Variants in GRIK5 observed in about 807,000 individuals in gnomAD.
GRIK5 encodes the protein glutamate ionotropic receptor kainate type subunit 5, also known as glutamate receptor ionotropic, kainate 5.
GRIK5 carries 43 observed loss-of-function variants against 97.4 expected under a neutral mutation model. The observed-to-expected ratio is 0.44, with a 90% CI of 0.35 to 0.57. The LOEUF is 0.57. Among genes scored for constraint, GRIK5 ranks in the 20% least tolerant of loss-of-function variants. GRIK5 has a pLI of 0.01. For missense variants in GRIK5, 1,015 were observed against 1,382.0 expected, an observed-to-expected ratio of 0.73 and a Z score of 4.21; for synonymous variants, 580 against 583.5, an observed-to-expected ratio of 0.99 and a Z score of 0.09.
intron 11 of GRIK5, among the ~76,000 whole-genome samples, chr19:42,047,315 G>A (rs541163555): frequency 6.6e-6 from 1 of 152,034 alleles, no homozygotes; most frequent in South Asian, 2.1e-4. Context: ...CAAGGAGGGA[G>A]GATCACTTGA....
chr19:42,031,472 G>T (rs2075840315), intron 12 of GRIK5, among the ~76,000 whole-genome samples: 1 of 152,132 alleles, frequency 6.6e-6, no homozygotes, highest in Non-Finnish European at 1.5e-5. Context: ...ATACAACCAA[G>T]AACTGGGAAA....
In GRIK5 at chr19:42,069,247, T is replaced by G; in HGVS notation, c.-57A>C. The G allele has an allele frequency of 4.9e-6, 1 of 203,764 alleles. No individual in the cohort carries two copies. The highest frequency in any genetic ancestry group is 9.8e-5 in the East Asian group (1 of 10,220). 12.6% of individuals were successfully genotyped at this position (203,764 alleles called of 1,614,324 possible). On this transcript the variant is annotated 5_prime_UTR_variant, in exon 1 of 20. Coordinates refer to ENST00000593562, the MANE Select transcript of GRIK5 (RefSeq NM_002088.5). Reference sequence around the variant, plus strand: ...CTGCCCTGCAGACACTCACGGATCCTGGTGGGACGGAGGGCTGGGCTCCCT... The same window carrying G: ...CTGCCCTGCAGACACTCACGGATCCGGGTGGGACGGAGGGCTGGGCTCCCT...
chr19:42,069,654 G>T lies in GRIK5; in HGVS notation c.-464C>A, dbSNP rs1196369049. ...CCCCTCCCCTAGCCGGGCCGGCCTG[G>T]GGGGGCCACAGGGGGCGAGGACTGG... On this transcript the variant is annotated 5_prime_UTR_variant, in exon 1 of 20. Coordinates refer to ENST00000593562, the MANE Select transcript of GRIK5 (RefSeq NM_002088.5). 6.6e-6 allele frequency among the ~76,000 whole-genome samples: 1 copy of T among 151,184 alleles called. No individual in the cohort carries two copies. The highest frequency in any genetic ancestry group is 1.5e-5 in the Non-Finnish European group (1 of 67,550).
chr19:42,008,855 G>C (rs1223984113), intron 15 of GRIK5, among the ~76,000 whole-genome samples: 1 of 152,198 alleles, frequency 6.6e-6, no homozygotes, highest in Admixed American at 6.5e-5. Flanking sequence ...AGAACTTTTA[G>C]AGAATGATAT....
chr19:42,060,179 G>A (rs886370064), intron 5 of GRIK5, among the ~76,000 whole-genome samples: 19 of 151,422 alleles, frequency 1.3e-4, no homozygotes, highest in Admixed American at 5.3e-4. Context: ...TCAACCCCTT[G>A]TTACTGCCCA....
chr19:42,051,060 C>A (rs1449651913), intron 11 of GRIK5, among the ~76,000 whole-genome samples: 1 of 152,212 alleles, frequency 6.6e-6, no homozygotes, highest in Non-Finnish European at 1.5e-5. Context: ...TGAGGTCCCT[C>A]TGTCCGCAGC....
At chr19:42,027,836 GT>G (rs2075790875) in intron 12 of GRIK5, among the ~76,000 whole-genome samples, 1 of 152,048 alleles carries the variant, frequency 6.6e-6, no homozygotes, top group African/African-American at 2.4e-5. Context: ...TTATTTATTT[GT>G]TTTTGTTTTT....
chr19:42,024,611 G>A (rs968405688), intron 12 of GRIK5, among the ~76,000 whole-genome samples: 5 of 152,178 alleles, frequency 3.3e-5, no homozygotes, highest in Admixed American at 1.3e-4. Flanking sequence ...GTCTGGCTCA[G>A]TGAGGCAGCC....
chr19:42,011,692 G>A (rs2075564615), intron 15 of GRIK5, among the ~76,000 whole-genome samples: 1 of 152,072 alleles, frequency 6.6e-6, no homozygotes, highest in Admixed American at 6.6e-5. Context: ...AATCCCAACA[G>A]GCCAGGCACA....
At chr19:42,046,838 T>C (rs1343123440) in intron 11 of GRIK5, among the ~76,000 whole-genome samples, 1 of 152,116 alleles carries the variant, frequency 6.6e-6, no homozygotes, top group Non-Finnish European at 1.5e-5. Context: ...CCTTGTACTC[T>C]TTGAATTCTA....
In GRIK5 at chr19:42,042,912, TG is replaced by T; in HGVS notation, c.1270-158del. 1.6e-6 allele frequency: 1 copy of T among 633,524 alleles called. No individual in the cohort carries two copies. The highest frequency in any genetic ancestry group is 2.8e-5 in the Admixed American group (1 of 35,800). The allele number at this position is 633,524 out of a possible 1,614,324, so 39.2% of individuals were successfully genotyped here. On this transcript the variant is annotated intron_variant, in intron 11 of 19. Transcript: ENST00000593562. This position sits in a 1 kb window ranked among gnomAD's most constrained non-coding sequence, Gnocchi z 6.9. ...ATTTCTCACTTACAAATGCTCAGAG[TG>T]GGGAATAGACCTGAAAGCCAGGGAA...
intron 12 of GRIK5, among the ~76,000 whole-genome samples, chr19:42,029,481 G>A (rs957468946): frequency 2.0e-5 from 3 of 152,020 alleles, no homozygotes; most frequent in East Asian, 1.9e-4. Context: ...GGTGGCAGGC[G>A]CCTGTGTAAT....
At chr19:42,068,907 G>C (rs780482296) in intron 1 of GRIK5, 1 of 682,370 alleles carries the variant, frequency 1.5e-6, no homozygotes, top group South Asian at 1.5e-5. Context: ...AGCCAGTCTG[G>C]GACCAGGACG....
At position 42,003,308 on chromosome 19, in the gene GRIK5, C is replaced by T; in HGVS notation, c.2514+24G>A. ...GCCCCTGGGGGTCCCTGTTCCTGCC[C>T]ACCCCCACCCCCAGCCTCCTCACCT... On this transcript the variant is annotated intron_variant, in intron 19 of 19. Coordinates refer to ENST00000593562, the MANE Select transcript of GRIK5 (RefSeq NM_002088.5). This position sits in a 1 kb window ranked among gnomAD's most constrained non-coding sequence, Gnocchi z 4.2. 3 of 1,532,620 alleles carry T rather than the reference C, an allele frequency of 2.0e-6. No homozygotes were observed. Among genetic ancestry groups the T allele is most frequent in the Non-Finnish European group, 2.7e-6 (3 of 1,110,108 alleles). 94.9% of individuals were successfully genotyped at this position (1,532,620 alleles called of 1,614,324 possible).
chr19:42,021,198 C>A lies in GRIK5; in HGVS notation c.1871+103G>T. On this transcript the variant is annotated intron_variant, in intron 15 of 19. Coordinates refer to ENST00000593562, the MANE Select transcript of GRIK5 (RefSeq NM_002088.5). This position sits in a 1 kb window ranked among gnomAD's most constrained non-coding sequence, Gnocchi z 4.2. ...CGTCACACAGCTCTGCAAGGGAAAACGGGGAATCAAATCTTCCAGGAGATG... is the reference window on the plus strand; with the variant it reads ...CGTCACACAGCTCTGCAAGGGAAAAAGGGGAATCAAATCTTCCAGGAGATG... 1.1e-6 allele frequency: 1 copy of A among 920,962 alleles called. No individual in the cohort carries two copies. Among genetic ancestry groups the A allele is most frequent in the Non-Finnish European group, 1.6e-6 (1 of 617,916 alleles). The allele number at this position is 920,962 out of a possible 1,614,324, so 57.0% of individuals were successfully genotyped here.
In GRIK5 at chr19:42,022,182, T is replaced by A; in HGVS notation, c.1587+59A>T. On this transcript the variant is annotated intron_variant, in intron 13 of 19. Coordinates refer to ENST00000593562, the MANE Select transcript of GRIK5 (RefSeq NM_002088.5). The surrounding 1 kb of genome is among the most constrained non-coding windows in gnomAD (Gnocchi z 4.2). ...GGTCCTGGGGCTGTCTGGCTCCCAC[T>A]CGCAGGCCCTGAGCCTCCATGCCAG... 6.8e-7 allele frequency: 1 copy of A among 1,464,008 alleles called. No individual in the cohort carries two copies. The highest frequency in any genetic ancestry group is 1.1e-5 in the South Asian group (1 of 87,362). The allele number at this position is 1,464,008 out of a possible 1,614,324, so 90.7% of individuals were successfully genotyped here.
intron 3 of GRIK5, among the ~76,000 whole-genome samples, chr19:42,064,868 C>T (rs987180679): frequency 2.6e-5 from 4 of 152,236 alleles, no homozygotes; most frequent in Non-Finnish European, 5.9e-5. Flanking sequence ...TCAGACTAGC[C>T]TTCTCCAGAA....
intron 11 of GRIK5, among the ~76,000 whole-genome samples, chr19:42,049,006 A>T (rs2076078953): frequency 6.6e-6 from 1 of 152,116 alleles, no homozygotes; most frequent in Non-Finnish European, 1.5e-5. Context: ...GGGCCACTGC[A>T]CTCCAGCCTG....
chr19:42,055,079 A>G (rs921136419), intron 8 of GRIK5, among the ~76,000 whole-genome samples: 1 of 152,176 alleles, frequency 6.6e-6, no homozygotes, highest in South Asian at 2.1e-4. Flanking sequence ...CTCTACCTTC[A>G]TGTGCTGTTA....
Sources: gnomAD v4.1 joint callset for allele counts (sites outside exome capture counted in the v4.1 genomes callset) on GRCh38, gnomAD v4.1.1 for gene constraint, Gnocchi (gnomAD v3.1) non-coding constraint, MANE v1.5 for transcripts, NCBI Gene and HGNC (gene_info 2026-07-23, HGNC 2026-07-21) for gene names.